Variants in KCTD8 observed in about 807,000 individuals in gnomAD.
KCTD8 encodes the protein potassium channel tetramerization domain containing 8, also known as BTB/POZ domain-containing protein KCTD8.
Under a neutral mutation model 31.5 loss-of-function variants are expected in KCTD8, and 27 were observed. The observed-to-expected ratio is 0.86, with a 90% CI of 0.63 to 1.18. The LOEUF is 1.18. KCTD8 is among the 50% of genes most tolerant of loss of function. KCTD8 has a pLI of 0.00. For missense variants in KCTD8, 658 were observed against 647.7 expected (o/e 1.02, Z -0.17); for synonymous variants, 290 against 280.0 (o/e 1.04, Z -0.36).
chr4:44,269,864 T>C (rs1345129689), intron 1 of KCTD8, among the ~76,000 whole-genome samples: 7 of 152,264 alleles, frequency 4.6e-5, no homozygotes, highest in Admixed American at 2.0e-4. Flanking sequence ...CCAGTTAGGA[T>C]GGCAATCATT....
intron 1 of KCTD8, among the ~76,000 whole-genome samples, chr4:44,409,439 C>G (rs1040874017): frequency 6.6e-6 from 1 of 151,924 alleles, no homozygotes; most frequent in Non-Finnish European, 1.5e-5. Context: ...AAAACCAGCC[C>G]CAGACTCGAG....
At chr4:44,185,803 G>C (rs1713568391) in intron 1 of KCTD8, among the ~76,000 whole-genome samples, 1 of 151,128 alleles carries the variant, frequency 6.6e-6, no homozygotes, top group Admixed American at 6.6e-5. Flanking sequence ...AAGGTACTGA[G>C]CCTATTTTGT....
At chr4:44,384,317 G>A (rs1477987838) in intron 1 of KCTD8, among the ~76,000 whole-genome samples, 2 of 151,694 alleles carry the variant, frequency 1.3e-5, no homozygotes, top group Admixed American at 6.6e-5. Flanking sequence ...CGCTGGGTGT[G>A]TATTCAGTAT....
intron 1 of KCTD8, among the ~76,000 whole-genome samples, chr4:44,259,438 T>C (rs1716098806): frequency 6.6e-6 from 1 of 151,830 alleles, no homozygotes; most frequent in African/African-American, 2.4e-5. Context: ...CATATGGCCA[T>C]AGGATTACAA....
intron 1 of KCTD8, among the ~76,000 whole-genome samples, chr4:44,418,793 T>A (rs1369466258): frequency 1.3e-5 from 2 of 152,152 alleles, no homozygotes; most frequent in African/African-American, 4.8e-5. Flanking sequence ...ATACTATGCA[T>A]CGGCTCTGGT....
intron 1 of KCTD8, among the ~76,000 whole-genome samples, chr4:44,389,094 T>G (rs1577650145): frequency 6.6e-6 from 1 of 151,704 alleles, no homozygotes; most frequent in South Asian, 2.1e-4. Context: ...CTCACAGTGA[T>G]AGAGAGCAGC....
chr4:44,187,986 C>T (rs1713639348), intron 1 of KCTD8, among the ~76,000 whole-genome samples: 1 of 145,866 alleles, frequency 6.9e-6, no homozygotes, highest in Non-Finnish European at 1.5e-5. Context: ...CACACACACA[C>T]ACACATATAT....
intron 1 of KCTD8, among the ~76,000 whole-genome samples, chr4:44,308,277 A>T (rs1417957990): frequency 4.6e-5 from 7 of 151,786 alleles, no homozygotes; most frequent in African/African-American, 9.7e-5. Flanking sequence ...TCAATCAATC[A>T]ATAAGTGCTC....
intron 1 of KCTD8, among the ~76,000 whole-genome samples, chr4:44,356,540 C>A (rs1314462499): frequency 6.6e-6 from 1 of 152,170 alleles, no homozygotes; most frequent in Non-Finnish European, 1.5e-5. Flanking sequence ...GTGGCACGAT[C>A]TCAACTCACT....
At position 44,220,521 on chromosome 4, in the gene KCTD8, T is replaced by A. The variant is rs146255245; in HGVS notation, c.962-45271A>T. 3.8e-3 allele frequency among the ~76,000 whole-genome samples: 576 copies of A among 152,278 alleles called. 5 individuals are homozygous for A. Among genetic ancestry groups the A allele is most frequent in the African/African-American group, 0.013 (553 of 41,560 alleles). On this transcript the variant is annotated intron_variant, in intron 1 of 1. Transcript: ENST00000360029. The stretch of plus-strand genomic sequence containing the variant: ...TAATTAAGATATGATCATCTAAATG[T>A]ATGTATTACTAGACATTTTAATTCT...
At chr4:44,433,748 A>G (rs1721568412) in intron 1 of KCTD8, among the ~76,000 whole-genome samples, 2 of 151,494 alleles carry the variant, frequency 1.3e-5, no homozygotes, top group South Asian at 4.2e-4. Context: ...CCCTGGTAAA[A>G]GAAATGAATC....
At chr4:44,269,140 A>G (rs998109631) in intron 1 of KCTD8, among the ~76,000 whole-genome samples, 6 of 152,186 alleles carry the variant, frequency 3.9e-5, no homozygotes, top group African/African-American at 9.7e-5. Context: ...ACTTCAAACT[A>G]TACTACAAGG....
intron 1 of KCTD8, among the ~76,000 whole-genome samples, chr4:44,317,228 C>CTTTTTTTTTT (rs760060899): frequency 0.019 from 703 of 36,510 alleles, 184 homozygotes; most frequent in Middle Eastern, 0.05. Context: ...TGGGTGCTTT[C>CTTTTTTTTTT]TTTTTTTTTT....
At chr4:44,288,687 A>G (rs1717173811) in intron 1 of KCTD8, among the ~76,000 whole-genome samples, 2 of 152,062 alleles carry the variant, frequency 1.3e-5, no homozygotes, top group Non-Finnish European at 2.9e-5. Context: ...TCAATTTTAC[A>G]TCTGTTCTTC....
At chr4:44,316,754 T>C (rs1379701988) in intron 1 of KCTD8, among the ~76,000 whole-genome samples, 1 of 120,620 alleles carries the variant, frequency 8.3e-6, no homozygotes, top group Non-Finnish European at 1.6e-5. Flanking sequence ...ATCGAGACCA[T>C]CCTGGCTAAC....
chr4:44,251,836 CTTTT>C (rs1560406412), intron 1 of KCTD8, among the ~76,000 whole-genome samples: 1 of 150,804 alleles, frequency 6.6e-6, no homozygotes, highest in African/African-American at 2.4e-5. Flanking sequence ...TTTTGATATG[CTTTT>C]TTTTCTGTTC....
chr4:44,263,373 A>T (rs1158583838), intron 1 of KCTD8, among the ~76,000 whole-genome samples: 2 of 152,154 alleles, frequency 1.3e-5, no homozygotes, highest in African/African-American at 4.8e-5. Context: ...CATGACATTG[A>T]ATCAATACTT....
At chr4:44,428,140 T>C (rs544918265) in intron 1 of KCTD8, among the ~76,000 whole-genome samples, 1 of 151,892 alleles carries the variant, frequency 6.6e-6, no homozygotes, top group African/African-American at 2.4e-5. Context: ...AAATTCATTC[T>C]ATCATAATTT....
rs58161667 is a variant in KCTD8 at position 44,336,149 on chromosome 4, CAAAAAAAA to C, written c.961+111406_961+111413del. Among the ~76,000 whole-genome samples, 31 of 46,520 alleles carry C rather than the reference CAAAAAAAA, an allele frequency of 6.7e-4. No individual in the cohort carries two copies. The South Asian group carries it at 7.1e-3, about 11-fold the overall frequency. The allele number at this position is 46,520 out of a possible 152,430, so 30.5% of individuals were successfully genotyped here. On this transcript the variant is annotated intron_variant, in intron 1 of 1. Transcript: ENST00000360029. ...TGGGCGACAGAGCGAGACTCCGTCTCAAAAAAAAAAAAAAAAAAAAAAAAAAAGAAAAA... is the reference window on the plus strand; with the variant it reads ...TGGGCGACAGAGCGAGACTCCGTCTCAAAAAAAAAAAAAAAAAAAGAAAAA...
Sources: allele counts gnomAD v4.1 joint callset (sites outside exome capture counted in the v4.1 genomes callset), GRCh38; gene constraint gnomAD v4.1.1; transcripts MANE v1.5; gene names NCBI Gene and HGNC (gene_info 2026-07-23, HGNC 2026-07-21).